ROBO1: variants seen among roughly 807,000 people sequenced by gnomAD.
ROBO1 encodes roundabout guidance receptor 1.
Under a neutral mutation model 195.9 loss-of-function variants are expected in ROBO1, and 149 were observed. The observed-to-expected ratio is 0.76, with a 90% CI of 0.67 to 0.87. ROBO1 has a LOEUF of 0.87. ROBO1 is among the 40% of genes least tolerant of loss of function. ROBO1 has a pLI of 0.00. For synonymous variants in ROBO1, 816 were observed against 733.2 expected (o/e 1.11, Z -1.82); for missense variants, 1,933 against 2,068.3 (o/e 0.93, Z 1.27).
chr3:78,609,360 G>A (rs548086945), intron 28 of ROBO1, among the ~76,000 whole-genome samples: 1 of 152,184 alleles, frequency 6.6e-6, no homozygotes, highest in East Asian at 1.9e-4. Context: ...TTATAAAGCA[G>A]GGCTGTCAAG....
intron 2 of ROBO1, among the ~76,000 whole-genome samples, chr3:79,305,301 A>C (rs796337194): frequency 1.2e-4 from 18 of 152,236 alleles, no homozygotes; most frequent in African/African-American, 4.1e-4. Flanking sequence ...AGACTGGCCA[A>C]TATGGTGAAA....
At chr3:79,603,599 C>T (rs1375496030) in intron 1 of ROBO1, among the ~76,000 whole-genome samples, 2 of 151,904 alleles carry the variant, frequency 1.3e-5, no homozygotes, top group Non-Finnish European at 2.9e-5. Context: ...CCTCTCTCAC[C>T]AACAAAGAAA....
intron 10 of ROBO1, among the ~76,000 whole-genome samples, chr3:78,681,662 T>G (rs2107796806): frequency 6.6e-6 from 1 of 152,110 alleles, no homozygotes; most frequent in Middle Eastern, 3.4e-3. Context: ...CCCAGCACTT[T>G]GGGAGGCCGA....
intron 4 of ROBO1, among the ~76,000 whole-genome samples, chr3:78,865,688 G>T (rs1175458123): frequency 6.6e-6 from 1 of 151,972 alleles, no homozygotes; most frequent in African/African-American, 2.4e-5. Context: ...AGCCAGGATG[G>T]TCTTGATCTC....
intron 4 of ROBO1, among the ~76,000 whole-genome samples, chr3:78,851,239 A>T (rs956371678): frequency 6.6e-6 from 1 of 152,190 alleles, no homozygotes; most frequent in Admixed American, 6.6e-5. Flanking sequence ...CTGTCTCTGG[A>T]AAGTCCTTTT....
intron 25 of ROBO1, among the ~76,000 whole-genome samples, chr3:78,629,347 T>G (rs1467547200): frequency 6.6e-6 from 1 of 152,162 alleles, no homozygotes; most frequent in Non-Finnish European, 1.5e-5. Context: ...TTAGTCCTCT[T>G]ATTTTTGTGA....
At position 78,607,022 on chromosome 3, in the gene ROBO1, C is replaced by T. The variant is rs765446392; in HGVS notation, c.4455G>A (p.Val1485=). 29 of 1,610,562 alleles carry T rather than the reference C, an allele frequency of 1.8e-5. No individual in the cohort carries two copies. Among genetic ancestry groups the T allele is most frequent in the Non-Finnish European group, 2.4e-5 (28 of 1,177,378 alleles). The stretch of plus-strand genomic sequence containing the variant: ...TAGGTGACTTTATAGCAGGTGGCGG[C>T]ACAGGAGGTGGTGGAAGATCTAAAA... ...TYTDDLPPPP[V]PPPAIKSPTA... The change falls in exon 29 of 31, where the codon GTG becomes GTA. Residue 1485 remains valine, a synonymous_variant. Transcript: ENST00000464233.
chr3:79,749,422 G>C (rs1335566743), intron 1 of ROBO1, among the ~76,000 whole-genome samples: 1 of 152,162 alleles, frequency 6.6e-6, no homozygotes, highest in African/African-American at 2.4e-5. Flanking sequence ...AGAAATTCAA[G>C]CCACCTGCAG....
At chr3:79,502,090 T>G (rs1940102872) in intron 2 of ROBO1, among the ~76,000 whole-genome samples, 2 of 152,324 alleles carry the variant, frequency 1.3e-5, no homozygotes, top group South Asian at 2.1e-4. Context: ...GGTGACAGCA[T>G]GCTGGCAGCC....
chr3:79,281,340 G>A (rs2031491956), intron 2 of ROBO1, among the ~76,000 whole-genome samples: 1 of 151,952 alleles, frequency 6.6e-6, no homozygotes. Flanking sequence ...TATACTTTAA[G>A]TTTTAGGGTA....
chr3:79,326,059 T>A (rs1167895228), intron 2 of ROBO1, among the ~76,000 whole-genome samples: 1 of 152,080 alleles, frequency 6.6e-6, no homozygotes, highest in Non-Finnish European at 1.5e-5. Context: ...CAGTCTCCCA[T>A]AGAGCTCCCA....
chr3:79,184,406 A>T (rs1365135657), intron 2 of ROBO1, among the ~76,000 whole-genome samples: 1 of 152,210 alleles, frequency 6.6e-6, no homozygotes, highest in African/African-American at 2.4e-5. Context: ...AGACAGCAAC[A>T]TGCTGTCAAC....
chr3:78,905,937 G>A (rs1367531182), intron 4 of ROBO1, among the ~76,000 whole-genome samples: 1 of 152,112 alleles, frequency 6.6e-6, no homozygotes, highest in African/African-American at 2.4e-5. Flanking sequence ...AAACCACTAT[G>A]ACAGATTGTC....
intron 2 of ROBO1, among the ~76,000 whole-genome samples, chr3:79,411,496 AT>A (rs1260650648): frequency 6.6e-6 from 1 of 152,114 alleles, no homozygotes; most frequent in Non-Finnish European, 1.5e-5. Flanking sequence ...GCTGTTTCTC[AT>A]TGTATTTTCT....
At chr3:78,848,145 A>G (rs1264108282) in intron 4 of ROBO1, among the ~76,000 whole-genome samples, 5 of 152,184 alleles carry the variant, frequency 3.3e-5, no homozygotes, top group Non-Finnish European at 7.4e-5. Flanking sequence ...AACCAAGGAA[A>G]TATGTTAGTT....
In ROBO1 at chr3:79,087,048, T is replaced by A. The variant is rs189898058; in HGVS notation, c.172+38408A>T. 2.6e-5 allele frequency among the ~76,000 whole-genome samples: 4 copies of A among 152,150 alleles called. No individual in the cohort carries two copies. The East Asian group carries it at 7.7e-4, about 29-fold the overall frequency. ...CAGCTGCTAGTGATGTTATTAAAAA[T>A]TATAAAAATAATCATATTTAATTAA... On this transcript the variant is annotated intron_variant, in intron 3 of 30. Transcript: ENST00000464233.
intron 2 of ROBO1, among the ~76,000 whole-genome samples, chr3:79,389,932 T>A (rs2036885553): frequency 6.6e-6 from 1 of 152,082 alleles, no homozygotes; most frequent in Non-Finnish European, 1.5e-5. Context: ...TTTTTAAGAA[T>A]CATTTTGGTT....
At chr3:79,168,174 T>C (rs1314795677) in intron 2 of ROBO1, among the ~76,000 whole-genome samples, 2 of 152,166 alleles carry the variant, frequency 1.3e-5, no homozygotes, top group Non-Finnish European at 2.9e-5. Context: ...CTGTGTGTGA[T>C]TTGGCTAATT....
chr3:78,660,308 C>G (rs1036578103), intron 16 of ROBO1: 1 of 152,948 alleles, frequency 6.5e-6, no homozygotes, highest in Non-Finnish European at 1.5e-5. Context: ...TTCACTGCCA[C>G]GGTGAATTTT....
Sources: gnomAD v4.1 joint callset for allele counts (sites outside exome capture counted in the v4.1 genomes callset) on GRCh38, gnomAD v4.1.1 for gene constraint, MANE v1.5 for transcripts, NCBI Gene and HGNC (gene_info 2026-07-23, HGNC 2026-07-21) for gene names.